Variants in TM9SF3 observed in about 807,000 individuals in gnomAD.
TM9SF3 encodes transmembrane 9 superfamily member 3.
TM9SF3 carries 14 observed loss-of-function variants against 78.6 expected under a neutral mutation model. The ratio of observed to expected loss-of-function variants is 0.18; its 90% CI spans 0.12 to 0.28. The LOEUF (loss-of-function observed/expected upper bound fraction) is 0.28, where lower values mean the gene tolerates loss of function less well. Among genes scored for constraint, TM9SF3 ranks in the 10% least tolerant of loss-of-function variants. The probability of loss-of-function intolerance (pLI) is 1.00; values close to 1 mark genes in which losing one functional copy is unlikely to be tolerated. For synonymous variants in TM9SF3, 231 were observed against 241.7 expected, an observed-to-expected ratio of 0.96 and a Z score of 0.41; for missense variants, 496 against 721.9, an observed-to-expected ratio of 0.69 and a Z score of 3.59.
At chr10:96,564,917 C>T (rs140494432) in intron 3 of TM9SF3, among the ~76,000 whole-genome samples, 2 of 152,094 alleles carry the variant, frequency 1.3e-5, no homozygotes, top group African/African-American at 4.8e-5. Context: ...AACCATACTA[C>T]CACAGTACCA....
At chr10:96,550,629 T>C (rs1564933251) in intron 7 of TM9SF3, among the ~76,000 whole-genome samples, 1 of 152,226 alleles carries the variant, frequency 6.6e-6, no homozygotes, top group Admixed American at 6.5e-5. Context: ...TCTGTGAATG[T>C]GTAACTTTTT....
chr10:96,528,288 C>T (rs1036324211), intron 11 of TM9SF3, 111 bp from the exon 12 acceptor site: 1 of 1,074,140 alleles, frequency 9.3e-7, no homozygotes, highest in African/African-American at 1.6e-5. Context: ...TAATGACTTT[C>T]TTTCAAGTAT....
At chr10:96,551,734 T>C (rs886937681) in intron 6 of TM9SF3, among the ~76,000 whole-genome samples, 1 of 152,202 alleles carries the variant, frequency 6.6e-6, no homozygotes, top group Non-Finnish European at 1.5e-5. Flanking sequence ...TCAGACACTA[T>C]TCTTGCTATT....
intron 8 of TM9SF3, among the ~76,000 whole-genome samples, chr10:96,545,290 A>G (rs1848083589): frequency 6.6e-6 from 1 of 152,196 alleles, no homozygotes; most frequent in South Asian, 2.1e-4. Flanking sequence ...AGTACCATAG[A>G]AAAATAAGCA....
rs760779762 is a variant in TM9SF3 at position 96,547,969 on chromosome 10, G to A, written c.980C>T (p.Thr327Ile). Residue 327 changes from threonine to isoleucine, a missense_variant, in exon 8 of 15, where the codon ACA (threonine) becomes ATA (isoleucine). Around this residue, in one of 4 missense-constraint regions of TM9SF3, gnomAD observed 280 missense variants for 422.6 expected, o/e 0.66. Transcript: ENST00000371142. The stretch of plus-strand genomic sequence containing the variant: ...CGTAGCAGCATAGACAAATATGGCT[G>A]TACTGAGCATTGATCCCCTCCTAAA... ...LYTERGSMLS[T>I]AIFVYAATSP... The A allele has an allele frequency of 6.2e-7, 1 of 1,609,630 alleles. No individual in the cohort carries two copies. Among genetic ancestry groups the A allele is most frequent in the Non-Finnish European group, 8.5e-7 (1 of 1,178,308 alleles).
chr10:96,533,090 C>T lies in TM9SF3; in HGVS notation c.1286G>A (p.Arg429His), dbSNP rs950884960. 1.2e-6 allele frequency: 2 copies of T among 1,613,820 alleles called. No homozygotes were observed. The highest frequency in any genetic ancestry group is 2.2e-5 in the East Asian group (1 of 44,884). ...NLSGQPNFPC[R>H]VNAVPRPIPE... ...TATAGGACGAGGCACAGCATTGACA[C>T]GACAAGGAAAGTTGGGCTGACCTGA... The change falls in exon 10 of 15, where the codon CGT (arginine) becomes CAT (histidine). Residue 429 changes from arginine to histidine, a missense_variant. This residue lies in a region of TM9SF3 where 280 missense variants were observed against 422.6 expected (regional missense o/e 0.66). Transcript: ENST00000371142.
rs762851019 is a variant in TM9SF3, at chr10:96,522,381, C to T, written c.1703-51G>A. On this transcript the variant is annotated intron_variant, in intron 14 of 14. Coordinates refer to ENST00000371142, the MANE Select transcript of TM9SF3 (RefSeq NM_020123.4). ...GAAACAAATACATACAGAGCAGTAT[C>T]CATCATTTAAAAACACTAAATACTC... 4 of 1,419,452 alleles carry T rather than the reference C, an allele frequency of 2.8e-6. No homozygotes were observed. The South Asian group carries it at 5.6e-5, about 20-fold the overall frequency. 87.9% of individuals were successfully genotyped at this position (1,419,452 alleles called of 1,614,324 possible). A position where few individuals can be genotyped will look rare whatever the true frequency, so the allele number is the denominator to read the frequency against.
At chr10:96,550,143 A>T (rs913740408) in intron 7 of TM9SF3, among the ~76,000 whole-genome samples, 3 of 152,234 alleles carry the variant, frequency 2.0e-5, no homozygotes, top group Admixed American at 6.5e-5. Flanking sequence ...TAGAAAGGTT[A>T]TATTAAAGAA....
chr10:96,578,746 A>G (rs1423412014), intron 1 of TM9SF3, among the ~76,000 whole-genome samples: 1 of 152,186 alleles, frequency 6.6e-6, no homozygotes, highest in Admixed American at 6.5e-5. Context: ...CTCTAAACCA[A>G]TCATTACCAA....
intron 2 of TM9SF3, among the ~76,000 whole-genome samples, chr10:96,575,879 T>C (rs1374107245): frequency 2.0e-5 from 3 of 152,130 alleles, no homozygotes; most frequent in African/African-American, 7.2e-5. Flanking sequence ...GTGCAGGAAA[T>C]ACACTCTCTG....
chr10:96,535,953 A>C (rs1056709438), intron 9 of TM9SF3, among the ~76,000 whole-genome samples: 19 of 152,258 alleles, frequency 1.2e-4, no homozygotes, highest in African/African-American at 4.6e-4. Context: ...ATATAAAACA[A>C]ATAATATATC....
chr10:96,533,655 T>C (rs1320027111), intron 9 of TM9SF3, among the ~76,000 whole-genome samples: 2 of 152,334 alleles, frequency 1.3e-5, no homozygotes, highest in South Asian at 2.1e-4. Context: ...CTTCCCATAA[T>C]TGCATAGCTA....
chr10:96,567,230 A>G (rs977930926), intron 2 of TM9SF3, among the ~76,000 whole-genome samples: 5 of 151,718 alleles, frequency 3.3e-5, no homozygotes, highest in African/African-American at 1.2e-4. Flanking sequence ...GATTACAAGC[A>G]TATGCCACCA....
chr10:96,522,659 C>T (rs1847792656), intron 14 of TM9SF3, among the ~76,000 whole-genome samples: 1 of 151,730 alleles, frequency 6.6e-6, no homozygotes, highest in Non-Finnish European at 1.5e-5. Context: ...AAAAAACATG[C>T]CTTCTTTGAT....
At chr10:96,562,264 A>G (rs1290653228) in intron 3 of TM9SF3, 126 bp from the exon 4 acceptor site, 5 of 684,796 alleles carry the variant, frequency 7.3e-6, no homozygotes, top group South Asian at 1.9e-5. Flanking sequence ...CTCCCTGGCC[A>G]CTCTTGACTC....
intron 1 of TM9SF3, among the ~76,000 whole-genome samples, chr10:96,584,034 C>G (rs894700072): frequency 2.0e-5 from 3 of 150,186 alleles, no homozygotes; most frequent in Non-Finnish European, 1.5e-5. Context: ...AACTATGCCT[C>G]AAAAAAACAA....
In TM9SF3 at chr10:96,521,288, T is replaced by A; in HGVS notation, c.*975A>T. On this transcript the variant is annotated 3_prime_UTR_variant, in exon 15 of 15. Coordinates refer to ENST00000371142, the MANE Select transcript of TM9SF3 (RefSeq NM_020123.4). ...TCTGTAGTCGATCTGTACATCCAAA[T>A]GCATTTGGGAATCTACACCTACGTT... The A allele has an allele frequency of 6.0e-6, 1 of 167,522 alleles. No individual in the cohort carries two copies. Among genetic ancestry groups the A allele is most frequent in the African/African-American group, 2.4e-5 (1 of 42,026 alleles). The allele number at this position is 167,522 out of a possible 1,614,324, so 10.4% of individuals were successfully genotyped here.
At position 96,520,090 on chromosome 10, in the gene TM9SF3, A is replaced by G. The variant is rs1847745923; in HGVS notation, c.*2173T>C. On this transcript the variant is annotated 3_prime_UTR_variant, in exon 15 of 15. Transcript: ENST00000371142. ...TTATTAAGACAAAACCTTACTGTCC[A>G]ATTTATACTCCCATCAGACAGACTA... is the stretch of plus-strand genomic sequence containing the variant. The G allele has an allele frequency of 6.6e-6, 1 of 151,948 alleles. No homozygotes were observed. The highest frequency in any genetic ancestry group is 2.1e-4 in the South Asian group (1 of 4,836). The allele number at this position is 151,948 out of a possible 1,614,324, so 9.4% of individuals were successfully genotyped here.
At position 96,565,394 on chromosome 10, in the gene TM9SF3, C is replaced by G; in HGVS notation, c.331G>C (p.Asp111His). 1.3e-6 allele frequency: 2 copies of G among 1,554,026 alleles called. No homozygotes were observed. Among genetic ancestry groups the G allele is most frequent in the Non-Finnish European group, 1.7e-6 (2 of 1,159,754 alleles). Residue 111 changes from aspartate to histidine, a missense_variant, in exon 3 of 15, where the codon GAT becomes CAT. By Grantham distance (81) the Asp-to-His change is moderately conservative (BLOSUM62 -1). Coordinates refer to ENST00000371142, the MANE Select transcript of TM9SF3 (RefSeq NM_020123.4). ...GCATCTCTCTTTTCTTTATCTAAATCAATTTCACAGTAAGTGGCTGGCATC... is the reference window on the plus strand; with the variant it reads ...GCATCTCTCTTTTCTTTATCTAAATGAATTTCACAGTAAGTGGCTGGCATC... ...DVMPATYCEI[D>H]LDKEKRDAFV...
Sources: gnomAD v4.1 joint callset for allele counts (sites outside exome capture counted in the v4.1 genomes callset) on GRCh38, gnomAD v4.1.1 for gene constraint, gnomAD v4.1.1 regional missense constraint, MANE v1.5 for transcripts, NCBI Gene and HGNC (gene_info 2026-07-23, HGNC 2026-07-21) for gene names.